Variants in CCDC15 observed in about 807,000 individuals in gnomAD.
The protein encoded by CCDC15 is coiled-coil domain-containing protein 15.
In CCDC15, 105 loss-of-function variants were observed where a neutral mutation model predicts 114.5. That is an observed-to-expected ratio of 0.92 (90% CI 0.78 to 1.08). The LOEUF (loss-of-function observed/expected upper bound fraction) is 1.08, where lower values mean the gene tolerates loss of function less well. Among genes scored for constraint, CCDC15 ranks in the 50% least tolerant of loss-of-function variants. CCDC15 has a pLI of 0.00. For missense variants in CCDC15, 1,105 were observed against 1,093.6 expected (o/e 1.01, Z -0.15); for synonymous variants, 334 against 377.8 (o/e 0.88, Z 1.34).
Position 125,039,044 on chromosome 11 carries a change from C to A in CCDC15, c.2709C>A (p.Asn903Lys). ...CTCATCCTGATACCTGTGCCAACAA[C>A]TGTATTTTCTATAAAAACCACAGAG... ...WDAHPDTCAN[N>K]CIFYKNHRAY... The change falls in exon 15 of 16, where the codon AAC becomes AAA. Residue 903 changes from asparagine (N) to lysine (K), a missense_variant. By Grantham distance (94) the Asn-to-Lys change is moderately conservative (BLOSUM62 0). Transcript: ENST00000344762. 1 of 1,601,142 alleles carries A rather than the reference C, an allele frequency of 6.2e-7. No individual in the cohort carries two copies. The highest frequency in any genetic ancestry group is 8.5e-7 in the Non-Finnish European group (1 of 1,172,000).
At chr11:125,038,757 A>G in intron 14 of CCDC15, 153 bp downstream of exon 14, 1 of 1,152,174 alleles carries the variant, frequency 8.7e-7, no homozygotes. Context: ...TGATTGCCTA[A>G]TACTTCTTGG....
intron 13 of CCDC15, among the ~76,000 whole-genome samples, chr11:125,018,052 T>G (rs1218113097): frequency 6.6e-6 from 1 of 152,072 alleles, no homozygotes; most frequent in Admixed American, 6.6e-5. Flanking sequence ...TTTTGTAACT[T>G]TAATCTAAGT....
At chr11:124,963,437 C>T (rs533578583) in intron 4 of CCDC15, among the ~76,000 whole-genome samples, 1 of 152,296 alleles carries the variant, frequency 6.6e-6, no homozygotes, top group South Asian at 2.1e-4. Context: ...GCATAAGTGT[C>T]TTCTTTTGAG....
chr11:125,038,300 A>ATTCTTGGGATAT, intron 13 of CCDC15, 131 bp from the exon 14 acceptor site: 1 of 576,880 alleles, frequency 1.7e-6, no homozygotes. Flanking sequence ...TTTTGAGGAT[A>ATTCTTGGGATAT]TTCTTGGGAT....
At chr11:124,973,213 G>A (rs1429371851) in intron 4 of CCDC15, among the ~76,000 whole-genome samples, 1 of 152,158 alleles carries the variant, frequency 6.6e-6, no homozygotes, top group Admixed American at 6.5e-5. Flanking sequence ...TAGAGGTTTG[G>A]ACTTGATGGG....
chr11:124,962,932 G>C (rs530942091), intron 4 of CCDC15, among the ~76,000 whole-genome samples: 2 of 152,262 alleles, frequency 1.3e-5, no homozygotes, highest in South Asian at 2.1e-4. Context: ...AGTTTGCTTA[G>C]AATTATGGTT....
chr11:125,015,659 G>A (rs1323514806), intron 13 of CCDC15, among the ~76,000 whole-genome samples: 2 of 152,078 alleles, frequency 1.3e-5, no homozygotes, highest in South Asian at 2.1e-4. Context: ...CTTTTTAAAT[G>A]TATAAGGGAA....
chr11:124,971,871 T>A (rs55827512), intron 4 of CCDC15, among the ~76,000 whole-genome samples: 2,493 of 152,238 alleles, frequency 0.016, 48 homozygotes, highest in African/African-American at 0.037. Flanking sequence ...AATTTAGGCA[T>A]TTTTTATTGA....
chr11:124,959,764 T>C, intron 3 of CCDC15, 51 bp from the exon 4 acceptor site: 1 of 1,382,236 alleles, frequency 7.2e-7, no homozygotes, highest in Non-Finnish European at 9.6e-7. Flanking sequence ...ATTATTTGAT[T>C]GCTCTGGATT....
intron 4 of CCDC15, among the ~76,000 whole-genome samples, chr11:124,963,583 T>G (rs1947713195): frequency 6.6e-6 from 1 of 152,146 alleles, no homozygotes; most frequent in Admixed American, 6.5e-5. Context: ...TTTTTCCCAT[T>G]CTGTAGGTTG....
chr11:125,009,398 GT>G (rs1344755420), intron 13 of CCDC15, among the ~76,000 whole-genome samples: 2 of 137,022 alleles, frequency 1.5e-5, no homozygotes, highest in African/African-American at 5.5e-5. Context: ...GAAACACTCT[GT>G]ATAATACTAT....
chr11:124,964,151 T>G (rs996376362), intron 4 of CCDC15, among the ~76,000 whole-genome samples: 1 of 152,188 alleles, frequency 6.6e-6, no homozygotes, highest in Admixed American at 6.5e-5. Flanking sequence ...ATATGAACTT[T>G]AAAGTAGTTT....
intron 13 of CCDC15, among the ~76,000 whole-genome samples, chr11:125,024,408 A>C (rs960037267): frequency 2.0e-5 from 3 of 152,088 alleles, no homozygotes; most frequent in Non-Finnish European, 4.4e-5. Flanking sequence ...TAATTTGGGA[A>C]AATTTAGAAT....
intron 13 of CCDC15, among the ~76,000 whole-genome samples, chr11:125,024,789 G>A (rs142023977): frequency 3.3e-5 from 5 of 151,592 alleles, no homozygotes; most frequent in Admixed American, 6.6e-5. Flanking sequence ...TTGCCAGCTT[G>A]CACTGGCTAA....
Position 125,039,037 on chromosome 11 carries a change from C to T in CCDC15, c.2702C>T (p.Ala901Val). 6.2e-7 allele frequency: 1 copy of T among 1,604,556 alleles called. No homozygotes were observed. The highest frequency in any genetic ancestry group is 8.5e-7 in the Non-Finnish European group (1 of 1,173,734). The change falls in exon 15 of 16, where the codon GCC (alanine) becomes GTC (valine). Residue 901 changes from alanine to valine, a missense_variant. By Grantham distance (64) the Ala-to-Val change is moderately conservative. Transcript: ENST00000344762. ...TGGGATGCTCATCCTGATACCTGTG[C>T]CAACAACTGTATTTTCTATAAAAAC... ...DFWDAHPDTC[A>V]NNCIFYKNHR...
Position 124,993,238 on chromosome 11 carries a change from C to T in CCDC15, c.2209C>T (p.Pro737Ser). The T allele has an allele frequency of 6.3e-7, 1 of 1,591,078 alleles. No homozygotes were observed. The highest frequency in any genetic ancestry group is 2.2e-5 in the East Asian group (1 of 44,714). ...EIARGNTPGV[P>S]LAYDRYQSGL... ...TGCAAGAGGAAATACTCCTGGAGTG[C>T]CCTTGGTATGTTTCACACAATATTC... is the stretch of plus-strand genomic sequence containing the variant. The change falls in exon 11 of 16, where the codon CCC (proline) becomes TCC (serine). Residue 737 changes from proline (P) to serine (S), a missense_variant. Transcript: ENST00000344762.
intron 13 of CCDC15, among the ~76,000 whole-genome samples, chr11:125,015,427 T>TGGTG (rs2135532190): frequency 6.6e-6 from 1 of 152,224 alleles, no homozygotes; most frequent in South Asian, 2.1e-4. Context: ...CTACAGACAT[T>TGGTG]AAATCACAGT....
In CCDC15 at chr11:125,041,129, A is replaced by G. The variant is rs151065101; in HGVS notation, c.*418A>G. The G allele has an allele frequency of 6.5e-6, 1 of 154,590 alleles. No individual in the cohort carries two copies. The highest frequency in any genetic ancestry group is 2.4e-5 in the African/African-American group (1 of 41,534). The allele number at this position is 154,590 out of a possible 1,614,324, so 9.6% of individuals were successfully genotyped here. A position where few individuals can be genotyped will look rare whatever the true frequency, so the allele number is the denominator to read the frequency against. ...AATGTGTTTCTGAGCATCAGAGACCATCTATATTGCCATTACCTTTTCTAG... is the reference window on the plus strand; with the variant it reads ...AATGTGTTTCTGAGCATCAGAGACCGTCTATATTGCCATTACCTTTTCTAG... On this transcript the variant is annotated 3_prime_UTR_variant, in exon 16 of 16. Transcript: ENST00000344762.
Position 124,975,185 on chromosome 11 carries a change from A to C in CCDC15, c.606A>C (p.Gly202=). The change falls in exon 5 of 16, where the codon GGA becomes GGC. Residue 202 remains glycine, a synonymous_variant. Coordinates refer to ENST00000344762, the MANE Select transcript of CCDC15 (RefSeq NM_025004.3). ...AGGGATCAGTGTTTCCAGATGATGG[A>C]AGGAAAAGCTTTCTTACCAGAGAGG... is the stretch of plus-strand genomic sequence containing the variant. ...KKKGSVFPDD[G]RKSFLTREEV... The C allele has an allele frequency of 6.3e-7, 1 of 1,592,954 alleles. No individual in the cohort carries two copies. The highest frequency in any genetic ancestry group is 8.5e-7 in the Non-Finnish European group (1 of 1,171,542).
Sources: allele counts gnomAD v4.1 joint callset (sites outside exome capture counted in the v4.1 genomes callset), GRCh38; gene constraint gnomAD v4.1.1; transcripts MANE v1.5; gene names NCBI Gene and HGNC (gene_info 2026-07-23, HGNC 2026-07-21).